Variants in OR51B5 observed in about 807,000 individuals in gnomAD.
OR51B5 encodes the protein olfactory receptor family 51 subfamily B member 5.
For synonymous variants in OR51B5, 186 were observed against 144.8 expected (o/e 1.28, Z -2.04); for missense variants, 456 against 374.6 (o/e 1.22, Z -1.79).
rs568731338 is a variant in OR51B5, at chr11:5,403,260, C to T, written n.85-56350G>A. On this transcript the variant is annotated intron_variant and non_coding_transcript_variant, in intron 1 of 4. Coordinates refer to the OR51B5 transcript ENST00000415970. ...GTTGCTGATTGTGATCTCCTATGGG[C>T]TCATACTCCACACTGTATTGGGTAT... is the stretch of plus-strand genomic sequence containing the variant. 6.1e-5 allele frequency: 29 copies of T among 471,548 alleles called. No homozygotes were observed. The East Asian group carries it at 1.9e-3, about 30-fold the overall frequency. The allele number at this position is 471,548 out of a possible 1,614,324, so 29.2% of individuals were successfully genotyped here.
At chr11:5,450,829 C>CTG (rs1358362669) in intron 1 of OR51B5, among the ~76,000 whole-genome samples, 1 of 152,174 alleles carries the variant, frequency 6.6e-6, no homozygotes, top group Non-Finnish European at 1.5e-5. Context: ...GTTTGGTTTT[C>CTG]TGTTCCTGTG....
chr11:5,342,663 T>A (rs750081550), exon 1 of OR51B5: 1 of 1,613,742 alleles, frequency 6.2e-7, no homozygotes, highest in East Asian at 2.2e-5. Flanking sequence ...CTATATGTTA[T>A]AGGATTCATT....
chr11:5,416,961 C>A (rs1194176598), intron 1 of OR51B5, among the ~76,000 whole-genome samples: 1 of 145,584 alleles, frequency 6.9e-6, no homozygotes, highest in African/African-American at 2.5e-5. Context: ...AAAGAGCCCG[C>A]ATCGCCAAGT....
Position 5,452,447 on chromosome 11 carries a change from G to C in OR51B5, n.84+53122C>G, listed in dbSNP as rs963773879. On this transcript the variant is annotated intron_variant and non_coding_transcript_variant, in intron 1 of 4. Transcript: ENST00000415970. Reference sequence around the variant, plus strand: ...CGTGAACCCGGGAGGTGGAGTTGCAGTGAGCCGAGATTGCACCACTGCACT... The same window carrying C: ...CGTGAACCCGGGAGGTGGAGTTGCACTGAGCCGAGATTGCACCACTGCACT... Among the ~76,000 whole-genome samples, 10 of 135,166 alleles carry C rather than the reference G, an allele frequency of 7.4e-5. No homozygotes were observed. In the Admixed American group the frequency reaches 8.5e-4, roughly 12 times the overall value. The allele number at this position is 135,166 out of a possible 152,430, so 88.7% of individuals were successfully genotyped here. A position where few individuals can be genotyped will look rare whatever the true frequency, so the allele number is the denominator to read the frequency against.
intron 1 of OR51B5, among the ~76,000 whole-genome samples, chr11:5,425,437 A>G (rs962728744): frequency 6.6e-6 from 1 of 152,210 alleles, no homozygotes; most frequent in Admixed American, 6.5e-5. Flanking sequence ...AGATTAAATC[A>G]AGTAGTCTGC....
intron 1 of OR51B5, among the ~76,000 whole-genome samples, chr11:5,373,288 T>G (rs2133708934): frequency 6.6e-6 from 1 of 152,288 alleles, no homozygotes; most frequent in East Asian, 1.9e-4. Context: ...TGAAGAAAAT[T>G]TTCACTGGAA....
chr11:5,424,340 CAAAACAAACAAACAA>C (rs1194194393), intron 1 of OR51B5, among the ~76,000 whole-genome samples: 6 of 151,474 alleles, frequency 4.0e-5, no homozygotes, highest in African/African-American at 9.7e-5. Flanking sequence ...AAAGGGAAAA[CAAAACAAACAAACAA>C]AAAACAAACA....
chr11:5,475,052 T>C (rs957550176), intron 1 of OR51B5, among the ~76,000 whole-genome samples: 1 of 152,148 alleles, frequency 6.6e-6, no homozygotes, highest in Non-Finnish European at 1.5e-5. Context: ...AAATATTATA[T>C]CCTTTTGGAT....
chr11:5,426,933 ATTC>A (rs766135966), intron 1 of OR51B5, among the ~76,000 whole-genome samples: 2 of 152,202 alleles, frequency 1.3e-5, no homozygotes, highest in Non-Finnish European at 2.9e-5. Context: ...CTTTCCATCT[ATTC>A]TTCTGAAGAC....
chr11:5,360,000 G>C lies in OR51B5; in HGVS notation n.85-13090C>G, dbSNP rs141895294. Among the ~76,000 whole-genome samples, 634 of 152,224 alleles carry C rather than the reference G, an allele frequency of 4.2e-3. 7 individuals are homozygous for C. The highest frequency in any genetic ancestry group is 0.014 in the African/African-American group (597 of 41,530). The stretch of plus-strand genomic sequence containing the variant: ...CCTTATACAAAAATTAATTCAAGAT[G>C]GATTACAGACTTAAATGTTAGACTG... On this transcript the variant is annotated intron_variant and non_coding_transcript_variant, in intron 1 of 4. Coordinates refer to the OR51B5 transcript ENST00000415970.
chr11:5,439,666 G>C, intron 1 of OR51B5, among the ~76,000 whole-genome samples: 1 of 152,150 alleles, frequency 6.6e-6, no homozygotes, highest in East Asian at 1.9e-4. Context: ...TCGATGCAAA[G>C]CTGATGATAT....
At chr11:5,411,074 A>G (rs1407311850) in intron 1 of OR51B5, among the ~76,000 whole-genome samples, 3 of 152,226 alleles carry the variant, frequency 2.0e-5, no homozygotes, top group African/African-American at 7.2e-5. Context: ...TCCAGTGTTT[A>G]TAAAGTCCAT....
intron 1 of OR51B5, among the ~76,000 whole-genome samples, chr11:5,413,218 T>G (rs1850179383): frequency 6.6e-6 from 1 of 152,168 alleles, no homozygotes; most frequent in Non-Finnish European, 1.5e-5. Flanking sequence ...GACCTGCAGC[T>G]GAGGGTCCTG....
chr11:5,369,174 A>T (rs369518502), intron 1 of OR51B5, among the ~76,000 whole-genome samples: 8,363 of 152,092 alleles, frequency 0.055, 11 homozygotes, highest in South Asian at 0.09. Context: ...GCATTCATTC[A>T]TTTATTCATC....
intron 1 of OR51B5, among the ~76,000 whole-genome samples, chr11:5,363,233 C>CACA (rs1564921897): frequency 1.2e-5 from 1 of 82,614 alleles, no homozygotes; most frequent in African/African-American, 5.4e-5. Context: ...ACGAACCCAA[C>CACA]CCCTCACACA....
chr11:5,354,859 G>T, intron 1 of OR51B5: 1 of 187,278 alleles, frequency 5.3e-6, no homozygotes, highest in Admixed American at 6.2e-5. Context: ...TACCAGACCT[G>T]AGAGAACTCT....
chr11:5,417,339 G>T (rs1162025271), intron 1 of OR51B5, among the ~76,000 whole-genome samples: 1 of 151,722 alleles, frequency 6.6e-6, no homozygotes, highest in Non-Finnish European at 1.5e-5. Flanking sequence ...AGAAAACCTA[G>T]GCATTACCAT....
Position 5,343,311 on chromosome 11 carries a change from C to A in OR51B5, c.214G>T (p.Ala72Ser). 4 of 1,611,254 alleles carry A rather than the reference C, an allele frequency of 2.5e-6. No homozygotes were observed. The highest frequency in any genetic ancestry group is 3.4e-6 in the Non-Finnish European group (4 of 1,178,622). Residue 72 changes from alanine to serine, a missense_variant, in exon 1 of 1, where the codon GCC becomes TCC. By Grantham distance (99) the Ala-to-Ser change is moderately conservative. Coordinates refer to ENST00000300773, the Ensembl canonical transcript of OR51B5. ...AGCACCGTGGGCATTGTGGTCAGGG[C>A]CAGCCCCAGGTCTGTGGCAGCCAGC... is the stretch of plus-strand genomic sequence containing the variant.
chr11:5,381,724 TAAAAC>T (rs948608963), intron 1 of OR51B5, among the ~76,000 whole-genome samples: 53 of 152,190 alleles, frequency 3.5e-4, no homozygotes, highest in African/African-American at 1.3e-3. Flanking sequence ...TGTGATATGA[TAAAAC>T]AAATCTAAAG....
Sources: gnomAD v4.1 joint callset for allele counts (sites outside exome capture counted in the v4.1 genomes callset) on GRCh38, gnomAD v4.1.1 for gene constraint, MANE v1.5 for transcripts, NCBI Gene and HGNC (gene_info 2026-07-23, HGNC 2026-07-21) for gene names.